Variants in KCNN3 observed in about 807,000 individuals in gnomAD.
KCNN3 encodes the protein small conductance calcium-activated potassium channel protein 3.
A neutral mutation model predicts 62.9 loss-of-function variants in KCNN3; 16 were observed. That is an observed-to-expected ratio of 0.25 (90% CI 0.17 to 0.39). The LOEUF (loss-of-function observed/expected upper bound fraction) is 0.39, where lower values mean the gene tolerates loss of function less well. KCNN3 is among the 10% of genes least tolerant of loss of function. The pLI is 1.00. For synonymous variants in KCNN3, 370 were observed against 389.2 expected (o/e 0.95, Z 0.58); for missense variants, 599 against 949.4 (o/e 0.63, Z 4.85).
chr1:154,847,979 C>G (rs757756545), intron 1 of KCNN3, among the ~76,000 whole-genome samples: 1 of 152,196 alleles, frequency 6.6e-6, no homozygotes, highest in Non-Finnish European at 1.5e-5. Flanking sequence ...CAGCACGCTG[C>G]TGCTGTCCTC....
At chr1:154,780,156 G>A (rs1648963399) in intron 2 of KCNN3, among the ~76,000 whole-genome samples, 1 of 151,464 alleles carries the variant, frequency 6.6e-6, no homozygotes, top group South Asian at 2.1e-4. Context: ...CCTGCAAAGG[G>A]GTAGGCATGC....
At chr1:154,752,216 A>G (rs6672760) in intron 3 of KCNN3, among the ~76,000 whole-genome samples, 15,125 of 152,124 alleles carry the variant, frequency 0.099, 1,289 homozygotes, top group African/African-American at 0.23. Context: ...CCAGTGCGTG[A>G]TTTTTATTAG....
intron 3 of KCNN3, among the ~76,000 whole-genome samples, chr1:154,763,148 A>G (rs1648099777): frequency 6.6e-6 from 1 of 152,156 alleles, no homozygotes; most frequent in South Asian, 2.1e-4. Context: ...ACATCCTAAG[A>G]ATCAGTAGTT....
At chr1:154,860,725 G>C (rs1652737025) in intron 1 of KCNN3, among the ~76,000 whole-genome samples, 1 of 152,228 alleles carries the variant, frequency 6.6e-6, no homozygotes, top group African/African-American at 2.4e-5. Context: ...ACAGTGGAGG[G>C]GTGACATGGG....
At chr1:154,747,825 C>A (rs1001315394) in intron 3 of KCNN3, among the ~76,000 whole-genome samples, 3 of 152,286 alleles carry the variant, frequency 2.0e-5, no homozygotes, top group Non-Finnish European at 4.4e-5. Flanking sequence ...CATCTTATGA[C>A]ACCCCAGCAA....
chr1:154,773,004 G>A (rs1648636897), intron 2 of KCNN3, among the ~76,000 whole-genome samples: 1 of 152,110 alleles, frequency 6.6e-6, no homozygotes, highest in East Asian at 1.9e-4. Flanking sequence ...ACAGTGTTTT[G>A]TTTTGTTTTT....
intron 3 of KCNN3, among the ~76,000 whole-genome samples, chr1:154,759,982 C>T (rs780142261): frequency 4.6e-5 from 7 of 151,952 alleles, no homozygotes; most frequent in Non-Finnish European, 1.0e-4. Context: ...TTCTCTCTCT[C>T]TCCCACTTTC....
chr1:154,820,009 C>A (rs1650825117), intron 2 of KCNN3, among the ~76,000 whole-genome samples: 1 of 152,246 alleles, frequency 6.6e-6, no homozygotes, highest in African/African-American at 2.4e-5. Flanking sequence ...GGATTCAACA[C>A]AACTGATTTC....
At chr1:154,808,475 C>T (rs1377911238) in intron 2 of KCNN3, among the ~76,000 whole-genome samples, 2 of 152,130 alleles carry the variant, frequency 1.3e-5, no homozygotes, top group South Asian at 2.1e-4. Flanking sequence ...AACTGTGCGC[C>T]GTGCCCTCCA....
intron 3 of KCNN3, among the ~76,000 whole-genome samples, chr1:154,756,365 A>G (rs911708738): frequency 6.6e-6 from 1 of 152,212 alleles, no homozygotes; most frequent in African/African-American, 2.4e-5. Flanking sequence ...CAACAAGTAA[A>G]TAAAAAGATA....
At chr1:154,820,799 AGGT>A (rs1163454078) in intron 2 of KCNN3, among the ~76,000 whole-genome samples, 1 of 152,230 alleles carries the variant, frequency 6.6e-6, no homozygotes, top group Admixed American at 6.5e-5. Flanking sequence ...CCCAGCATCC[AGGT>A]CAGTATCCTC....
At chr1:154,722,020 A>G (rs1397380555) in intron 5 of KCNN3, among the ~76,000 whole-genome samples, 1 of 152,014 alleles carries the variant, frequency 6.6e-6, no homozygotes, top group Admixed American at 6.6e-5. Flanking sequence ...ATGGGACTCA[A>G]GAAAAGCAGA....
At chr1:154,807,994 G>C (rs1473498146) in intron 2 of KCNN3, among the ~76,000 whole-genome samples, 1 of 151,354 alleles carries the variant, frequency 6.6e-6, no homozygotes, top group East Asian at 2.0e-4. Flanking sequence ...GTGATTGAGG[G>C]GGGTTCAACC....
chr1:154,846,058 C>CA (rs1180870936), intron 1 of KCNN3, among the ~76,000 whole-genome samples: 1 of 152,188 alleles, frequency 6.6e-6, no homozygotes, highest in Non-Finnish European at 1.5e-5. Context: ...GCACCCACAC[C>CA]AGCCAACACC....
intron 3 of KCNN3, among the ~76,000 whole-genome samples, chr1:154,741,944 A>C (rs1347223346): frequency 6.6e-6 from 1 of 152,210 alleles, no homozygotes; most frequent in African/African-American, 2.4e-5. Flanking sequence ...GAATTTCTCC[A>C]ATGAGGAAGC....
At chr1:154,766,748 C>T (rs548071699) in intron 3 of KCNN3, among the ~76,000 whole-genome samples, 66 of 150,058 alleles carry the variant, frequency 4.4e-4, no homozygotes, top group African/African-American at 1.5e-3. Flanking sequence ...GGCGTGATCT[C>T]GGCTCACTGC....
chr1:154,750,023 A>G (rs1313620775), intron 3 of KCNN3, among the ~76,000 whole-genome samples: 1 of 152,210 alleles, frequency 6.6e-6, no homozygotes, highest in Non-Finnish European at 1.5e-5. Context: ...GGATGGGAGT[A>G]GTTTCTCAGG....
intron 2 of KCNN3, among the ~76,000 whole-genome samples, chr1:154,805,020 T>C (rs1181597899): frequency 1.3e-5 from 2 of 152,190 alleles, no homozygotes; most frequent in Admixed American, 1.3e-4. Context: ...ACAATTCTAT[T>C]CTGCAGACAG....
intron 4 of KCNN3, among the ~76,000 whole-genome samples, chr1:154,726,575 C>T (rs1197491435): frequency 6.6e-6 from 1 of 152,234 alleles, no homozygotes; most frequent in Admixed American, 6.5e-5. Flanking sequence ...GCTTGTTTCA[C>T]AGAGGGCACC....
Sources: allele counts gnomAD v4.1 joint callset (sites outside exome capture counted in the v4.1 genomes callset), GRCh38; gene constraint gnomAD v4.1.1; transcripts MANE v1.5; gene names NCBI Gene and HGNC (gene_info 2026-07-23, HGNC 2026-07-21).